Variants in UTS2B observed in about 807,000 individuals in gnomAD.
UTS2B encodes the protein urotensin 2B.
A neutral mutation model predicts 19.2 loss-of-function variants in UTS2B; 21 were observed. That is an observed-to-expected ratio of 1.09 (90% CI 0.78 to 1.58). The LOEUF (loss-of-function observed/expected upper bound fraction) is 1.58, where lower values mean the gene tolerates loss of function less well. Among genes scored for constraint, UTS2B ranks in the 40% most tolerant of loss-of-function variants. The pLI, the probability that UTS2B is intolerant of heterozygous loss-of-function variation, is 0.00. For synonymous variants in UTS2B, 57 were observed against 50.2 expected, an observed-to-expected ratio of 1.14 and a Z score of -0.58; for missense variants, 138 against 130.3, an observed-to-expected ratio of 1.06 and a Z score of -0.29.
At chr3:191,299,685 C>T (rs1051916630) in intron 4 of UTS2B, among the ~76,000 whole-genome samples, 11 of 152,256 alleles carry the variant, frequency 7.2e-5, no homozygotes, top group African/African-American at 2.7e-4. Context: ...GTGGAACCCC[C>T]ACACAGAGTC....
intron 4 of UTS2B, among the ~76,000 whole-genome samples, chr3:191,291,203 T>C (rs1484973018): frequency 6.6e-6 from 1 of 152,214 alleles, no homozygotes; most frequent in Non-Finnish European, 1.5e-5. Context: ...GTATTCTGGA[T>C]TCTAGTTCCT....
At chr3:191,318,803 A>G (rs748807088) in intron 2 of UTS2B, among the ~76,000 whole-genome samples, 2 of 152,106 alleles carry the variant, frequency 1.3e-5, no homozygotes, top group Non-Finnish European at 2.9e-5. Context: ...CCCTCCATAC[A>G]TAGTTGTTTT....
At chr3:191,278,514 T>C (rs1479237336) in intron 5 of UTS2B, among the ~76,000 whole-genome samples, 1 of 152,068 alleles carries the variant, frequency 6.6e-6, no homozygotes, top group African/African-American at 2.4e-5. Flanking sequence ...AAAATAAGTA[T>C]AAACTAAAAG....
intron 2 of UTS2B, among the ~76,000 whole-genome samples, chr3:191,324,480 G>T (rs1717691446): frequency 6.6e-6 from 1 of 152,142 alleles, no homozygotes; most frequent in African/African-American, 2.4e-5. Context: ...GAATTATGGA[G>T]GCGGATCTTT....
chr3:191,319,650 G>A (rs1006776161), intron 2 of UTS2B, among the ~76,000 whole-genome samples: 11 of 150,892 alleles, frequency 7.3e-5, no homozygotes, highest in African/African-American at 2.7e-4. Context: ...ACGAGGTCAG[G>A]AGTTCAAGAC....
chr3:191,321,032 T>A (rs1046702488), intron 2 of UTS2B, among the ~76,000 whole-genome samples: 1 of 152,248 alleles, frequency 6.6e-6, no homozygotes, highest in African/African-American at 2.4e-5. Context: ...ATAAGCTTCA[T>A]GCGACATTAT....
chr3:191,320,601 G>A (rs191743934), intron 2 of UTS2B, among the ~76,000 whole-genome samples: 56 of 152,294 alleles, frequency 3.7e-4, no homozygotes, highest in Admixed American at 2.9e-3. Flanking sequence ...AGGAGGCTAC[G>A]GCCAAAACCC....
chr3:191,345,954 G>C, the UTS2B span, among the ~76,000 whole-genome samples: 1 of 151,952 alleles, frequency 6.6e-6, no homozygotes, highest in Non-Finnish European at 1.5e-5. Context: ...AAGTTGCCAC[G>C]TGATAACTGA....
chr3:191,280,209 G>T (rs988752687), intron 5 of UTS2B, among the ~76,000 whole-genome samples: 1 of 152,080 alleles, frequency 6.6e-6, no homozygotes. Flanking sequence ...CTCCCAAAAC[G>T]ATTAAATTCA....
chr3:191,303,941 T>C (rs1326153456), intron 4 of UTS2B, among the ~76,000 whole-genome samples: 1 of 152,032 alleles, frequency 6.6e-6, no homozygotes. Context: ...GGGAAGGATA[T>C]ATTGCAGAAG....
intron 4 of UTS2B, among the ~76,000 whole-genome samples, chr3:191,295,071 C>A (rs1716822858): frequency 6.6e-6 from 1 of 151,904 alleles, no homozygotes; most frequent in Non-Finnish European, 1.5e-5. Context: ...TGTCTTCCAT[C>A]TTAAAACAAA....
chr3:191,278,096 C>A lies in UTS2B; in HGVS notation c.178G>T (p.Asp60Tyr), dbSNP rs748967881. 6.4e-7 allele frequency: 1 copy of A among 1,562,968 alleles called. No homozygotes were observed. The highest frequency in any genetic ancestry group is 8.6e-7 in the Non-Finnish European group (1 of 1,158,556). Reference protein sequence around the residue: ...LLLALLNKNFDFQRPFNTDLA... With the variant: ...LLLALLNKNFYFQRPFNTDLA... ...CCAGTGTTGAAAGGTCTTTGGAAAT[C>A]AAAATTTTTATTCAGTAGAGCCAGC... is the stretch of plus-strand genomic sequence containing the variant. The change falls in exon 6 of 9, where the codon GAT becomes TAT. Residue 60 changes from aspartate to tyrosine, a missense_variant. Transcript: ENST00000340524.
intron 4 of UTS2B, among the ~76,000 whole-genome samples, chr3:191,299,091 A>T (rs531814421): frequency 1.3e-5 from 2 of 152,186 alleles, no homozygotes; most frequent in East Asian, 3.9e-4. Flanking sequence ...CAAAGAAGTG[A>T]TCTGAAATTT....
Position 191,284,130 on chromosome 3 carries a change from G to A in UTS2B, c.-124-1817C>T, listed in dbSNP as rs532672424. 2.0e-5 allele frequency among the ~76,000 whole-genome samples: 3 copies of A among 152,132 alleles called. No homozygotes were observed. In the South Asian group the frequency reaches 6.2e-4, roughly 32 times the overall value. Reference sequence around the variant, plus strand: ...GAAATTGGAAATTTAGATATGCACTGTATTAAAGACATATGCAGCTTTTAT... The same window carrying A: ...GAAATTGGAAATTTAGATATGCACTATATTAAAGACATATGCAGCTTTTAT... On this transcript the variant is annotated intron_variant, in intron 4 of 8. Transcript: ENST00000340524.
intron 5 of UTS2B, 35 bp downstream of exon 5, chr3:191,282,052 C>A: frequency 1.4e-6 from 2 of 1,417,090 alleles, no homozygotes; most frequent in Non-Finnish European, 2.0e-6. Context: ...GAATTACTTA[C>A]CCACCTGTAG....
intron 1 of UTS2B, among the ~76,000 whole-genome samples, chr3:191,329,952 G>C (rs1023636180): frequency 2.7e-4 from 38 of 142,498 alleles, no homozygotes; most frequent in Admixed American, 6.3e-4. Context: ...TGGGGGGGGG[G>C]GGGGCTAGCA....
intron 2 of UTS2B, among the ~76,000 whole-genome samples, chr3:191,324,196 G>T (rs1276502282): frequency 1.3e-5 from 2 of 152,206 alleles, no homozygotes; most frequent in African/African-American, 4.8e-5. Context: ...GTGATGCTCT[G>T]TGTCACCTTG....
At chr3:191,293,965 G>A (rs1040833481) in intron 4 of UTS2B, among the ~76,000 whole-genome samples, 5 of 151,540 alleles carry the variant, frequency 3.3e-5, no homozygotes, top group African/African-American at 9.8e-5. Context: ...AAAATTAGCC[G>A]GGCGTGGTGA....
rs186254054 is a variant in UTS2B at position 191,274,992 on chromosome 3, A to G, written c.334+260T>C. 1.1e-3 allele frequency among the ~76,000 whole-genome samples: 161 copies of G among 152,372 alleles called. 1 individual carries two copies. In the South Asian group the frequency reaches 0.013, roughly 12 times the overall value. ...CTTCAGTGTTTAAGCCAAAATAGCAAGAGTAAGCCAGAGTTTATACAATAA... is the reference window on the plus strand; with the variant it reads ...CTTCAGTGTTTAAGCCAAAATAGCAGGAGTAAGCCAGAGTTTATACAATAA... On this transcript the variant is annotated intron_variant, in intron 8 of 8. Transcript: ENST00000340524.
Sources: gnomAD v4.1 joint callset for allele counts (sites outside exome capture counted in the v4.1 genomes callset) on GRCh38, gnomAD v4.1.1 for gene constraint, MANE v1.5 for transcripts, NCBI Gene and HGNC (gene_info 2026-07-23, HGNC 2026-07-21) for gene names.